ZBTB20: variants seen among roughly 807,000 people sequenced by gnomAD.
ZBTB20 encodes the protein zinc finger and BTB domain containing 20.
Under a neutral mutation model 56.9 loss-of-function variants are expected in ZBTB20, and 9 were observed. The ratio of observed to expected loss-of-function variants is 0.16; its 90% CI spans 0.10 to 0.28. The LOEUF is 0.28. ZBTB20 is among the 10% of genes least tolerant of loss of function. ZBTB20 has a pLI of 1.00. For synonymous variants in ZBTB20, 417 were observed against 420.7 expected (o/e 0.99, Z 0.11); for missense variants, 655 against 1,003.0 (o/e 0.65, Z 4.69).
Position 114,334,060 on chromosome 3 carries a change from C to T in ZBTB20, c.*4945G>A, listed in dbSNP as rs1252971871. The T allele has an allele frequency of 6.6e-6, 1 of 152,230 alleles. No homozygotes were observed. The highest frequency in any genetic ancestry group is 1.5e-5 in the Non-Finnish European group (1 of 68,060). The allele number at this position is 152,230 out of a possible 1,614,324, so 9.4% of individuals were successfully genotyped here. ...GCATCTCAGGTTGTGTCTGCTCTTA[C>T]GTTGCACCTTCCTTTTGTTCCCTTT... On this transcript the variant is annotated 3_prime_UTR_variant, in exon 12 of 12. Transcript: ENST00000675478.
intron 2 of ZBTB20, among the ~76,000 whole-genome samples, chr3:115,010,913 G>C (rs1306969853): frequency 6.6e-6 from 1 of 151,906 alleles, no homozygotes; most frequent in Admixed American, 6.6e-5. Flanking sequence ...CACAGAGAAG[G>C]AATTCAGAAT....
chr3:114,614,773 A>T (rs914362234), intron 6 of ZBTB20, among the ~76,000 whole-genome samples: 2 of 148,756 alleles, frequency 1.3e-5, no homozygotes, highest in African/African-American at 4.9e-5. Flanking sequence ...TTGTTTTGAG[A>T]CGGAGTCTTG....
Position 115,032,148 on chromosome 3 carries a change from T to C in ZBTB20, c.-507+39071A>G, listed in dbSNP as rs1441576648. ...TAAAAATATTTTTTTTTCTAGAATTTTTGGCATGAAATGAAAGGCAACATA... is the reference window on the plus strand; with the variant it reads ...TAAAAATATTTTTTTTTCTAGAATTCTTGGCATGAAATGAAAGGCAACATA... On this transcript the variant is annotated intron_variant, in intron 2 of 11. Coordinates refer to ENST00000675478, the MANE Select transcript of ZBTB20 (RefSeq NM_001348800.3). 2.6e-5 allele frequency among the ~76,000 whole-genome samples: 4 copies of C among 151,424 alleles called. No individual in the cohort carries two copies. The South Asian group carries it at 8.3e-4, about 31-fold the overall frequency.
chr3:114,624,873 T>G (rs2107791394), intron 6 of ZBTB20: 1 of 152,822 alleles, frequency 6.5e-6, no homozygotes, highest in African/African-American at 2.4e-5. Context: ...TTTTATCTAC[T>G]TACTCTTTCT....
At chr3:114,540,839 T>C (rs576100605) in intron 6 of ZBTB20, among the ~76,000 whole-genome samples, 73 of 152,236 alleles carry the variant, frequency 4.8e-4, no homozygotes, top group African/African-American at 1.7e-3. Context: ...AATTTACAAA[T>C]TAAGCAATTC....
At chr3:115,067,174 G>A (rs1362322412) in intron 2 of ZBTB20, among the ~76,000 whole-genome samples, 2 of 151,972 alleles carry the variant, frequency 1.3e-5, no homozygotes, top group African/African-American at 4.8e-5. Flanking sequence ...TTAGTAGACA[G>A]GACTGTGTCT....
At chr3:115,112,914 G>C (rs1303968239) in intron 1 of ZBTB20, among the ~76,000 whole-genome samples, 2 of 152,144 alleles carry the variant, frequency 1.3e-5, no homozygotes, top group Admixed American at 1.3e-4. Context: ...CCCATCAACA[G>C]TGTATAAGAG....
chr3:114,747,309 T>C (rs1198782722), intron 5 of ZBTB20, among the ~76,000 whole-genome samples: 2 of 152,198 alleles, frequency 1.3e-5, no homozygotes, highest in African/African-American at 2.4e-5. Context: ...CTTATGCCTG[T>C]AGTCCCAGCA....
chr3:114,628,416 G>C (rs1226155377), intron 6 of ZBTB20, among the ~76,000 whole-genome samples: 2 of 152,044 alleles, frequency 1.3e-5, no homozygotes, highest in African/African-American at 4.8e-5. Flanking sequence ...ATTCACAAAT[G>C]AGAGAAAGCC....
chr3:114,921,463 T>C (rs2075956475), intron 3 of ZBTB20, among the ~76,000 whole-genome samples: 1 of 151,982 alleles, frequency 6.6e-6, no homozygotes, highest in South Asian at 2.1e-4. Context: ...TACCAAGCTT[T>C]AAAAAATTAA....
At chr3:115,047,401 T>C (rs1182437972) in intron 2 of ZBTB20, among the ~76,000 whole-genome samples, 1 of 152,232 alleles carries the variant, frequency 6.6e-6, no homozygotes, top group African/African-American at 2.4e-5. Context: ...TTTCTATTTG[T>C]GCTTCTTAAG....
At chr3:115,140,007 AT>A (rs2084766471) in intron 1 of ZBTB20, among the ~76,000 whole-genome samples, 1 of 152,092 alleles carries the variant, frequency 6.6e-6, no homozygotes, top group Admixed American at 6.6e-5. Context: ...AAAGTCAAGT[AT>A]TTTACATATA....
chr3:114,621,241 TC>T (rs911200935), intron 6 of ZBTB20, among the ~76,000 whole-genome samples: 39 of 152,324 alleles, frequency 2.6e-4, no homozygotes, highest in African/African-American at 9.1e-4. Context: ...ACTACATCTT[TC>T]TTTTTGCAAA....
At chr3:114,541,803 T>A (rs1349895916) in intron 6 of ZBTB20, among the ~76,000 whole-genome samples, 2 of 152,154 alleles carry the variant, frequency 1.3e-5, no homozygotes, top group Admixed American at 1.3e-4. Context: ...GTTAATACTA[T>A]TAATAGGACT....
chr3:114,998,959 C>A (rs758199953), intron 2 of ZBTB20, among the ~76,000 whole-genome samples: 13 of 125,174 alleles, frequency 1.0e-4, no homozygotes, highest in Non-Finnish European at 1.9e-4. Context: ...AATATGGTAT[C>A]ATCGAAGTCA....
chr3:114,371,816 A>G (rs2083047709), intron 10 of ZBTB20, among the ~76,000 whole-genome samples: 1 of 152,174 alleles, frequency 6.6e-6, no homozygotes, highest in Non-Finnish European at 1.5e-5. Flanking sequence ...AATAATGGGT[A>G]TAGACCAGGT....
chr3:114,782,109 C>T (rs2070149551), intron 5 of ZBTB20, among the ~76,000 whole-genome samples: 1 of 152,226 alleles, frequency 6.6e-6, no homozygotes, highest in African/African-American at 2.4e-5. Flanking sequence ...AGTGGAGGTG[C>T]TGGCTCTTCA....
chr3:115,011,527 A>T (rs546715916), intron 2 of ZBTB20, among the ~76,000 whole-genome samples: 1 of 152,002 alleles, frequency 6.6e-6, no homozygotes, highest in African/African-American at 2.4e-5. Flanking sequence ...GAAGGAAAAA[A>T]TCTTTTACCC....
chr3:114,391,194 T>C (rs1576558107), intron 7 of ZBTB20, among the ~76,000 whole-genome samples: 1 of 152,156 alleles, frequency 6.6e-6, no homozygotes, highest in East Asian at 1.9e-4. Context: ...ACACAAACAT[T>C]ACATTAATTT....
Sources: allele counts gnomAD v4.1 joint callset (sites outside exome capture counted in the v4.1 genomes callset), GRCh38; gene constraint gnomAD v4.1.1; transcripts MANE v1.5; gene names NCBI Gene and HGNC (gene_info 2026-07-23, HGNC 2026-07-21).